Variants in SLC24A4 observed in about 807,000 individuals in gnomAD.
SLC24A4 encodes the protein solute carrier family 24 member 4, also known as sodium/potassium/calcium exchanger 4.
SLC24A4 carries 53 observed loss-of-function variants against 79.0 expected under a neutral mutation model. The ratio of observed to expected loss-of-function variants is 0.67; its 90% confidence interval spans 0.54 to 0.84. The LOEUF is 0.84. SLC24A4 is among the 40% of genes least tolerant of loss of function. The pLI, the probability that SLC24A4 is intolerant of heterozygous loss-of-function variation, is 0.00. For synonymous variants in SLC24A4, 323 were observed against 323.8 expected (o/e 1.00, Z 0.03); for missense variants, 731 against 822.0 (o/e 0.89, Z 1.35).
At chr14:92,368,129 G>A (rs555514903) in intron 2 of SLC24A4, among the ~76,000 whole-genome samples, 3 of 152,234 alleles carry the variant, frequency 2.0e-5, no homozygotes, top group African/African-American at 7.2e-5. Context: ...ATACAAAATC[G>A]CTAAGATCCT....
chr14:92,437,424 T>A (rs1892237690), intron 3 of SLC24A4, among the ~76,000 whole-genome samples: 1 of 152,226 alleles, frequency 6.6e-6, no homozygotes, highest in Admixed American at 6.5e-5. Context: ...CAGGATGAGC[T>A]CAGTGAAGCC....
intron 2 of SLC24A4, among the ~76,000 whole-genome samples, chr14:92,426,713 A>T (rs947939286): frequency 2.0e-5 from 3 of 151,742 alleles, no homozygotes; most frequent in African/African-American, 7.3e-5. Context: ...TGCCCATGAA[A>T]GGCATAAAAT....
At chr14:92,394,073 G>T (rs932182782) in intron 2 of SLC24A4, among the ~76,000 whole-genome samples, 1 of 148,164 alleles carries the variant, frequency 6.7e-6, no homozygotes, top group Non-Finnish European at 1.5e-5. Flanking sequence ...TTGAACTCCT[G>T]GGCTCAAGTG....
intron 7 of SLC24A4, among the ~76,000 whole-genome samples, chr14:92,444,954 C>A (rs953035716): frequency 2.6e-5 from 4 of 151,732 alleles, no homozygotes; most frequent in Non-Finnish European, 5.9e-5. Context: ...CACACACACA[C>A]ACACACACAC....
intron 12 of SLC24A4, among the ~76,000 whole-genome samples, chr14:92,466,297 T>C (rs1250700722): frequency 1.3e-5 from 2 of 152,208 alleles, no homozygotes; most frequent in African/African-American, 4.8e-5. Context: ...CCAAGCACTG[T>C]TCTAAACACG....
At chr14:92,422,304 G>A (rs1332704774) in intron 2 of SLC24A4, among the ~76,000 whole-genome samples, 4 of 152,214 alleles carry the variant, frequency 2.6e-5, no homozygotes, top group Non-Finnish European at 4.4e-5. Flanking sequence ...GAGGTAACAA[G>A]CATCTTCACA....
intron 8 of SLC24A4, 109 bp from the exon 9 acceptor site, chr14:92,447,261 GC>G: frequency 1.1e-6 from 1 of 920,332 alleles, no homozygotes. Flanking sequence ...GGCACTAGGG[GC>G]GGGGGAGGTA....
chr14:92,401,743 T>G (rs897089146), intron 2 of SLC24A4, among the ~76,000 whole-genome samples: 6 of 152,184 alleles, frequency 3.9e-5, no homozygotes, highest in African/African-American at 1.4e-4. Context: ...TTGCTGCTGT[T>G]TCCGCAGTGC....
chr14:92,475,922 A>T (rs537157577), intron 12 of SLC24A4, among the ~76,000 whole-genome samples: 26 of 152,286 alleles, frequency 1.7e-4, no homozygotes, highest in African/African-American at 5.8e-4. Context: ...CAGTTGAAAA[A>T]CATAGCAATG....
chr14:92,370,150 T>C (rs1888070237), intron 2 of SLC24A4, among the ~76,000 whole-genome samples: 2 of 152,192 alleles, frequency 1.3e-5, no homozygotes, highest in Non-Finnish European at 2.9e-5. Context: ...TGGTAAGAGA[T>C]AGCTTTTAAA....
At chr14:92,493,422 G>C in intron 16 of SLC24A4, 54 bp from the exon 17 acceptor site, 2 of 1,596,958 alleles carry the variant, frequency 1.3e-6, no homozygotes, top group Non-Finnish European at 1.7e-6. Context: ...CAGTAGAAAT[G>C]CCTCTTGTAT....
rs949849501 is a variant in SLC24A4, at chr14:92,323,609, G to T, written c.-222G>T. 1 of 412,408 alleles carries T rather than the reference G, an allele frequency of 2.4e-6. No homozygotes were observed. Among genetic ancestry groups the T allele is most frequent in the Non-Finnish European group, 4.2e-6 (1 of 240,454 alleles). 25.5% of individuals were successfully genotyped at this position (412,408 alleles called of 1,614,324 possible). ...GAGCCATGGTGCGCGCAGCGCGCACGCGGCGCGCGGGACTCTGAGCTCCGG... is the reference window on the plus strand; with the variant it reads ...GAGCCATGGTGCGCGCAGCGCGCACTCGGCGCGCGGGACTCTGAGCTCCGG... On this transcript the variant is annotated 5_prime_UTR_variant, in exon 1 of 17. Transcript: ENST00000532405. This position sits in a 1 kb window ranked among gnomAD's most constrained non-coding sequence, Gnocchi z 4.9.
Position 92,454,241 on chromosome 14 carries a change from T to G in SLC24A4, c.1050+172T>G, listed in dbSNP as rs139889122. On this transcript the variant is annotated intron_variant, in intron 11 of 16. Coordinates refer to ENST00000532405, the MANE Select transcript of SLC24A4 (RefSeq NM_153646.4). ...GGCAGCAAATTATCCTTTGAAGAGA[T>G]ATTTTAAAGCCTGCAGCAATCGAAT... Among the ~76,000 whole-genome samples the G allele has an allele frequency of 7.7e-4, 117 of 152,364 alleles. 1 individual carries two copies. The Middle Eastern group carries it at 0.017, about 22-fold the overall frequency.
intron 2 of SLC24A4, among the ~76,000 whole-genome samples, chr14:92,383,161 A>G (rs1351128571): frequency 6.6e-6 from 1 of 152,002 alleles, no homozygotes; most frequent in Non-Finnish European, 1.5e-5. Flanking sequence ...TCTCACAGTC[A>G]CGTCTAAAGA....
intron 2 of SLC24A4, among the ~76,000 whole-genome samples, chr14:92,338,659 C>T (rs755547862): frequency 6.6e-5 from 10 of 152,148 alleles, no homozygotes; most frequent in Non-Finnish European, 1.3e-4. Context: ...CTGGGCAGAT[C>T]GCACGGCAGC....
intron 4 of SLC24A4, among the ~76,000 whole-genome samples, chr14:92,440,270 A>T (rs541518677): frequency 4.6e-5 from 7 of 152,236 alleles, no homozygotes; most frequent in Admixed American, 1.3e-4. Context: ...ATCCCCTCAG[A>T]TGGAGCCATG....
chr14:92,491,662 C>T lies in SLC24A4; in HGVS notation c.1538-3C>T, dbSNP rs1895676346. The T allele has an allele frequency of 2.5e-6, 4 of 1,597,752 alleles. No individual in the cohort carries two copies. The highest frequency in any genetic ancestry group is 3.4e-6 in the Non-Finnish European group (4 of 1,165,236). On this transcript the variant is annotated splice_polypyrimidine_tract_variant and splice_region_variant and intron_variant, in intron 14 of 16. Transcript: ENST00000532405. The stretch of plus-strand genomic sequence containing the variant: ...AAAATAAATGTGTTGTTGTCCCCTG[C>T]AGGCCTTGGGGACATGGCAGTCTCC...
At chr14:92,417,302 A>G (rs1332550445) in intron 2 of SLC24A4, among the ~76,000 whole-genome samples, 5 of 152,208 alleles carry the variant, frequency 3.3e-5, no homozygotes, top group Non-Finnish European at 7.3e-5. Flanking sequence ...GTGTGTGCTC[A>G]TGTCTTTATT....
intron 12 of SLC24A4, among the ~76,000 whole-genome samples, chr14:92,472,669 T>G (rs1330058967): frequency 2.1e-5 from 3 of 145,194 alleles, no homozygotes; most frequent in African/African-American, 8.6e-5. Context: ...CACCACAGTT[T>G]CTTTATCCAC....
Sources: allele counts gnomAD v4.1 joint callset (sites outside exome capture counted in the v4.1 genomes callset), GRCh38; gene constraint gnomAD v4.1.1; non-coding constraint Gnocchi (gnomAD v3.1); transcripts MANE v1.5; gene names NCBI Gene and HGNC (gene_info 2026-07-23, HGNC 2026-07-21).